The following GABRG3 variants were observed in gnomAD, a reference collection of about 807,000 sequenced individuals.
GABRG3 encodes the protein gamma-aminobutyric acid type A receptor subunit gamma3.
GABRG3 carries 25 observed loss-of-function variants against 48.8 expected under a neutral mutation model. The ratio of observed to expected loss-of-function variants is 0.51; its 90% CI spans 0.37 to 0.72. The LOEUF is 0.72. Among genes scored for constraint, GABRG3 ranks in the 30% least tolerant of loss-of-function variants. The pLI is 0.00. For synonymous variants in GABRG3, 227 were observed against 217.6 expected, an observed-to-expected ratio of 1.04 and a Z score of -0.38; for missense variants, 394 against 577.9, an observed-to-expected ratio of 0.68 and a Z score of 3.26.
At chr15:27,265,066 T>C (rs1666154733) in intron 3 of GABRG3, among the ~76,000 whole-genome samples, 1 of 152,122 alleles carries the variant, frequency 6.6e-6, no homozygotes, top group South Asian at 2.1e-4. Flanking sequence ...AACAACCTTA[T>C]AATAATTAAA....
intron 3 of GABRG3, among the ~76,000 whole-genome samples, chr15:27,322,006 G>A (rs960820897): frequency 2.6e-5 from 4 of 152,324 alleles, no homozygotes; most frequent in Non-Finnish European, 4.4e-5. Flanking sequence ...GTCCGCATGA[G>A]TTTCATCTGT....
At chr15:27,250,027 G>C (rs1201800568) in intron 3 of GABRG3, among the ~76,000 whole-genome samples, 1 of 152,124 alleles carries the variant, frequency 6.6e-6, no homozygotes, top group Non-Finnish European at 1.5e-5. Context: ...GGGAATGTCA[G>C]CATTGCGTCT....
chr15:27,418,160 G>A (rs774350682), intron 5 of GABRG3, among the ~76,000 whole-genome samples: 35 of 152,170 alleles, frequency 2.3e-4, no homozygotes, highest in Non-Finnish European at 4.6e-4. Flanking sequence ...TATGAAGGAA[G>A]GAGGCCTGAT....
chr15:26,987,609 CG>C (rs1324974297), intron 2 of GABRG3, among the ~76,000 whole-genome samples: 1 of 152,146 alleles, frequency 6.6e-6, no homozygotes, highest in Non-Finnish European at 1.5e-5. Context: ...TCAGAACCGC[CG>C]GAAGAGCTGG....
intron 3 of GABRG3, among the ~76,000 whole-genome samples, chr15:27,055,593 G>A (rs902775401): frequency 3.9e-5 from 6 of 152,052 alleles, no homozygotes; most frequent in Admixed American, 3.3e-4. Flanking sequence ...CGTTCCCATA[G>A]GAATAATAAA....
At chr15:27,316,404 A>G (rs947917066) in intron 3 of GABRG3, among the ~76,000 whole-genome samples, 1 of 151,686 alleles carries the variant, frequency 6.6e-6, no homozygotes, top group Non-Finnish European at 1.5e-5. Flanking sequence ...AAAAAAAAAA[A>G]AAAAAGCAAA....
intron 3 of GABRG3, among the ~76,000 whole-genome samples, chr15:27,046,281 T>A (rs2140705246): frequency 6.6e-6 from 1 of 151,988 alleles, no homozygotes; most frequent in Middle Eastern, 3.4e-3. Context: ...TTTTTTGTAT[T>A]TTTAGTAGAG....
rs531473450 is a variant in GABRG3 at position 27,256,428 on chromosome 15, A to C, written c.271-70381A>C. Among the ~76,000 whole-genome samples, 83 of 148,376 alleles carry C rather than the reference A, an allele frequency of 5.6e-4. 1 individual carries two copies. Among genetic ancestry groups the C allele is most frequent in the Admixed American group, 3.3e-3 (49 of 14,962 alleles). On this transcript the variant is annotated intron_variant, in intron 3 of 9. Coordinates refer to ENST00000615808, the MANE Select transcript of GABRG3 (RefSeq NM_033223.5). ...TGCACTCCAGCCTGGGCGACAGAGC[A>C]AGACTCCGTCTCAAAAAAAAAAAAA...
intron 5 of GABRG3, among the ~76,000 whole-genome samples, chr15:27,474,506 C>G (rs1300767436): frequency 1.3e-5 from 2 of 152,226 alleles, no homozygotes; most frequent in East Asian, 1.9e-4. Context: ...CTGTGTCCCT[C>G]CAGCGCTTTG....
intron 5 of GABRG3, among the ~76,000 whole-genome samples, chr15:27,419,459 T>C (rs776840801): frequency 6.6e-6 from 1 of 152,236 alleles, no homozygotes; most frequent in Non-Finnish European, 1.5e-5. Context: ...CCACATGGTC[T>C]CTGGATGCTG....
intron 6 of GABRG3, among the ~76,000 whole-genome samples, chr15:27,500,636 C>T (rs2150853636): frequency 6.6e-6 from 1 of 152,290 alleles, no homozygotes; most frequent in African/African-American, 2.4e-5. Context: ...TCCCTAAGCC[C>T]CACCTGCTAA....
At chr15:27,212,747 G>C (rs1889117062) in intron 3 of GABRG3, among the ~76,000 whole-genome samples, 3 of 152,028 alleles carry the variant, frequency 2.0e-5, no homozygotes. Context: ...CCCTGACCTT[G>C]GCAACAACTG....
intron 3 of GABRG3, among the ~76,000 whole-genome samples, chr15:27,186,310 G>C (rs189135097): frequency 6.6e-6 from 1 of 152,214 alleles, no homozygotes; most frequent in East Asian, 1.9e-4. Context: ...ATGGCCTCCA[G>C]CTGCATCCAT....
intron 3 of GABRG3, among the ~76,000 whole-genome samples, chr15:27,255,506 C>G (rs1327186612): frequency 6.6e-6 from 1 of 152,352 alleles, no homozygotes; most frequent in Admixed American, 6.5e-5. Flanking sequence ...TGGGTGCTGC[C>G]TGTTCTCACA....
intron 5 of GABRG3, among the ~76,000 whole-genome samples, chr15:27,424,994 A>T (rs1317752903): frequency 6.6e-6 from 1 of 152,142 alleles, no homozygotes; most frequent in African/African-American, 2.4e-5. Flanking sequence ...AACCAGTCAC[A>T]TTTGCACTTG....
chr15:27,366,385 G>A (rs9708107), intron 5 of GABRG3: 49,829 of 152,008 alleles, frequency 0.33, 9,516 homozygotes, highest in African/African-American at 0.52. Flanking sequence ...ATAATAAAAG[G>A]AAAAGGAATC....
chr15:27,323,723 G>T (rs74004980), intron 3 of GABRG3, among the ~76,000 whole-genome samples: 2,362 of 152,230 alleles, frequency 0.016, 56 homozygotes, highest in African/African-American at 0.054. Context: ...TGAGGTCTTG[G>T]CTTCTGTATG....
chr15:26,974,520 C>T lies in GABRG3; in HGVS notation c.54-2482C>T, dbSNP rs1019249938. Among the ~76,000 whole-genome samples the T allele has an allele frequency of 5.3e-5, 8 of 149,870 alleles. No individual in the cohort carries two copies. The highest frequency in any genetic ancestry group is 1.0e-4 in the Non-Finnish European group (7 of 67,624). On this transcript the variant is annotated intron_variant, in intron 1 of 9. Coordinates refer to ENST00000615808, the MANE Select transcript of GABRG3 (RefSeq NM_033223.5). This position sits in a 1 kb window ranked among gnomAD's most constrained non-coding sequence, Gnocchi z 4.3. ...GTGGGGGTAGGAGAGGGGAGGAGAA[C>T]GGGAGGGGAGGGGAAGAAGAGTGAG...
At chr15:27,304,013 A>G (rs538092477) in intron 3 of GABRG3, among the ~76,000 whole-genome samples, 44 of 152,048 alleles carry the variant, frequency 2.9e-4, no homozygotes, top group African/African-American at 1.0e-3. Flanking sequence ...ATTTAAACAG[A>G]AAAAACATTT....
Sources: gnomAD v4.1 joint callset for allele counts (sites outside exome capture counted in the v4.1 genomes callset) on GRCh38, gnomAD v4.1.1 for gene constraint, Gnocchi (gnomAD v3.1) non-coding constraint, MANE v1.5 for transcripts, NCBI Gene and HGNC (gene_info 2026-07-23, HGNC 2026-07-21) for gene names.